Variants in SKIC2 observed in about 807,000 individuals in gnomAD.
SKIC2 encodes SKI2 subunit of superkiller complex, also known as superkiller complex protein 2.
At chr6:31,968,478 G>C in the SKIC2 span, 7 of 1,612,930 alleles carry the variant, frequency 4.3e-6, no homozygotes, top group Middle Eastern at 1.6e-4. The surrounding 1 kb of genome is among the most constrained non-coding windows in gnomAD (Gnocchi z 6.1). Context: ...TCCGGGCCCG[G>C]AAGCTGGAGG....
chr6:31,969,490 A>G, the SKIC2 span: 2 of 1,612,754 alleles, frequency 1.2e-6, no homozygotes, highest in South Asian at 1.1e-5. The surrounding 1 kb of genome is among the most constrained non-coding windows in gnomAD (Gnocchi z 6.1). Flanking sequence ...GAGTGCATCC[A>G]GTCCTCACCC....
At chr6:31,968,041 G>A in the SKIC2 span, 3 of 1,612,948 alleles carry the variant, frequency 1.9e-6, no homozygotes, top group African/African-American at 4.0e-5. This position sits in a 1 kb window ranked among gnomAD's most constrained non-coding sequence, Gnocchi z 6.1. Context: ...ATGGGGAGAA[G>A]ATCTTGGAGG....
At chr6:31,966,924 G>A in the SKIC2 span, 1 of 1,613,228 alleles carries the variant, frequency 6.2e-7, no homozygotes, top group Non-Finnish European at 8.5e-7. The surrounding 1 kb of genome is among the most constrained non-coding windows in gnomAD (Gnocchi z 5.9). Flanking sequence ...GCATCCAGAG[G>A]CCAGTGTGTT....
chr6:31,967,734 G>C, the SKIC2 span: 1 of 1,612,978 alleles, frequency 6.2e-7, no homozygotes, highest in Non-Finnish European at 8.5e-7. This position sits in a 1 kb window ranked among gnomAD's most constrained non-coding sequence, Gnocchi z 4.9. Flanking sequence ...AACTCCACCA[G>C]CAGAGTATTC....
the SKIC2 span, chr6:31,963,372 C>T: frequency 6.6e-7 from 1 of 1,506,462 alleles, no homozygotes; most frequent in Non-Finnish European, 8.9e-7. The surrounding 1 kb of genome is among the most constrained non-coding windows in gnomAD (Gnocchi z 5.3). Context: ...GGTTCCTTCC[C>T]ACGTTCCCAC....
chr6:31,962,736 G>A, the SKIC2 span: 3 of 1,612,868 alleles, frequency 1.9e-6, no homozygotes, highest in African/African-American at 4.0e-5. This position sits in a 1 kb window ranked among gnomAD's most constrained non-coding sequence, Gnocchi z 5.0. Context: ...CAGTGGCTCA[G>A]ATGTTATTCG....
At chr6:31,965,728 G>T in the SKIC2 span, 1 of 1,085,812 alleles carries the variant, frequency 9.2e-7, no homozygotes, top group African/African-American at 1.5e-5. The surrounding 1 kb of genome is among the most constrained non-coding windows in gnomAD (Gnocchi z 5.6). Flanking sequence ...GGCCAGGGCT[G>T]GGGGTGTGTG....
chr6:31,967,648 A>C, the SKIC2 span: 1 of 1,558,684 alleles, frequency 6.4e-7, no homozygotes, highest in Non-Finnish European at 8.8e-7. This position sits in a 1 kb window ranked among gnomAD's most constrained non-coding sequence, Gnocchi z 4.9. Context: ...AAGGGTGGGT[A>C]TCTGGTCTCT....
chr6:31,965,909 A>G, the SKIC2 span: 1 of 1,613,108 alleles, frequency 6.2e-7, no homozygotes, highest in Non-Finnish European at 8.5e-7. The surrounding 1 kb of genome is among the most constrained non-coding windows in gnomAD (Gnocchi z 5.6). Context: ...GTATGTGCAG[A>G]TGGCAGGCCG....
the SKIC2 span, chr6:31,969,645 C>T: frequency 1.7e-5 from 27 of 1,611,450 alleles, no homozygotes; most frequent in Non-Finnish European, 2.3e-5. This position sits in a 1 kb window ranked among gnomAD's most constrained non-coding sequence, Gnocchi z 6.1. Flanking sequence ...GTGCTGGGTG[C>T]CAAGATGGAG....
chr6:31,964,040 C>T, the SKIC2 span: 2 of 1,612,736 alleles, frequency 1.2e-6, no homozygotes, highest in Non-Finnish European at 1.7e-6. This position sits in a 1 kb window ranked among gnomAD's most constrained non-coding sequence, Gnocchi z 5.0. Context: ...CTTGACCTCA[C>T]CACCAGTTCG....
chr6:31,966,754 A>G, the SKIC2 span: 92 of 1,614,006 alleles, frequency 5.7e-5, no homozygotes, highest in Non-Finnish European at 7.1e-5. This position sits in a 1 kb window ranked among gnomAD's most constrained non-coding sequence, Gnocchi z 5.9. Flanking sequence ...CACGTACACT[A>G]TGATCCTCAA....
the SKIC2 span, chr6:31,961,786 T>G: frequency 6.5e-7 from 1 of 1,545,198 alleles, no homozygotes; most frequent in African/African-American, 1.4e-5. Flanking sequence ...AGGCCAGTCT[T>G]GGTACTCAGT....
At chr6:31,962,425 T>C in the SKIC2 span, 3 of 1,613,730 alleles carry the variant, frequency 1.9e-6, no homozygotes, top group Non-Finnish European at 1.7e-6. The surrounding 1 kb of genome is among the most constrained non-coding windows in gnomAD (Gnocchi z 5.0). Context: ...GCTAACTTCA[T>C]GCTCTCTTCC....
At chr6:31,964,404 G>A in the SKIC2 span, 1 of 1,264,040 alleles carries the variant, frequency 7.9e-7, no homozygotes, top group Admixed American at 1.9e-5. This position sits in a 1 kb window ranked among gnomAD's most constrained non-coding sequence, Gnocchi z 5.0. Context: ...GGGCTGCCCA[G>A]AGGGCAGAGG....
chr6:31,962,979 GC>G, the SKIC2 span: 1 of 1,605,032 alleles, frequency 6.2e-7, no homozygotes. This position sits in a 1 kb window ranked among gnomAD's most constrained non-coding sequence, Gnocchi z 5.0. Flanking sequence ...CCCTCTCTGT[GC>G]CCAGCGTGGG....
the SKIC2 span, chr6:31,969,040 G>T: frequency 1.9e-6 from 3 of 1,612,406 alleles, no homozygotes; most frequent in Non-Finnish European, 2.5e-6. This position sits in a 1 kb window ranked among gnomAD's most constrained non-coding sequence, Gnocchi z 6.1. Context: ...GGCCTGGTCT[G>T]CCAGAGCCCT....
the SKIC2 span, chr6:31,961,371 A>G: frequency 7.3e-4 from 1,132 of 1,558,260 alleles, 14 homozygotes; most frequent in Admixed American, 0.015. Flanking sequence ...GCAGCTTGGA[A>G]GACCTAGTGT....
chr6:31,965,830 T>C, the SKIC2 span: 3 of 1,612,788 alleles, frequency 1.9e-6, no homozygotes, highest in Non-Finnish European at 2.5e-6. This position sits in a 1 kb window ranked among gnomAD's most constrained non-coding sequence, Gnocchi z 5.6. Flanking sequence ...ACATGCCTGC[T>C]CGTACAGTAG....
Sources: allele counts gnomAD v4.1 joint callset, GRCh38; gene constraint gnomAD v4.1.1; non-coding constraint Gnocchi (gnomAD v3.1); transcripts MANE v1.5; gene names NCBI Gene and HGNC (gene_info 2026-07-23, HGNC 2026-07-21).